PRKAG1: variants seen among roughly 807,000 people sequenced by gnomAD.
The protein encoded by PRKAG1 is 5'-AMP-activated protein kinase subunit gamma-1.
Under a neutral mutation model 48.2 loss-of-function variants are expected in PRKAG1, and 27 were observed. The observed-to-expected ratio is 0.56, with a 90% CI of 0.41 to 0.77. PRKAG1 has a LOEUF of 0.77. Ranked by LOEUF, PRKAG1 falls within the 30% of genes least tolerant of loss-of-function variation. PRKAG1 has a pLI of 0.00. For missense variants in PRKAG1, 287 were observed against 398.3 expected (o/e 0.72, Z 2.38); for synonymous variants, 130 against 147.7 (o/e 0.88, Z 0.87).
Position 49,004,126 on chromosome 12 carries a change from T to C in PRKAG1, c.538-204A>G, listed in dbSNP as rs896231759. ...GCAACATGGCAAAACCCTATCTCTATAAAAAATACCAAAAAATTAGCCAGG... is the reference window on the plus strand; with the variant it reads ...GCAACATGGCAAAACCCTATCTCTACAAAAAATACCAAAAAATTAGCCAGG... On this transcript the variant is annotated intron_variant, in intron 8 of 11. Coordinates refer to ENST00000548065, the MANE Select transcript of PRKAG1 (RefSeq NM_002733.5). 41 of 635,924 alleles carry C rather than the reference T, an allele frequency of 6.4e-5. 1 individual carries two copies. In the South Asian group the frequency reaches 7.3e-4, roughly 11 times the overall value. 39.4% of individuals were successfully genotyped at this position (635,924 alleles called of 1,614,324 possible).
At chr12:49,013,970 C>G (rs868683729) in intron 1 of PRKAG1, among the ~76,000 whole-genome samples, 2 of 152,064 alleles carry the variant, frequency 1.3e-5, no homozygotes, top group Admixed American at 6.5e-5. Context: ...CTGCAACTGC[C>G]TCCTCCTGGG....
intron 2 of PRKAG1, 188 bp downstream of exon 2, chr12:49,012,874 T>C (rs1941813839): frequency 1.7e-6 from 1 of 598,468 alleles, no homozygotes; most frequent in African/African-American, 1.9e-5. Context: ...ATATTAATCA[T>C]CCCCACTCTG....
At chr12:49,016,958 C>T (rs754187570) in intron 1 of PRKAG1, 10 of 344,208 alleles carry the variant, frequency 2.9e-5, no homozygotes, top group Non-Finnish European at 4.5e-5. Flanking sequence ...AACATCATGC[C>T]GCTGGCTCAC....
chr12:49,017,150 C>T (rs1942010086), intron 1 of PRKAG1: 1 of 456,006 alleles, frequency 2.2e-6, no homozygotes, highest in Non-Finnish European at 4.4e-6. Flanking sequence ...TGCTGGCTTG[C>T]CCTCACCATC....
At chr12:49,010,860 T>C (rs74829119) in intron 2 of PRKAG1, among the ~76,000 whole-genome samples, 5 of 151,972 alleles carry the variant, frequency 3.3e-5, no homozygotes, top group Non-Finnish European at 7.4e-5. Context: ...TTTTTTTTTT[T>C]TGAGACAGAG....
intron 2 of PRKAG1, among the ~76,000 whole-genome samples, chr12:49,011,781 G>A (rs530518290): frequency 5.3e-5 from 8 of 151,294 alleles, no homozygotes; most frequent in Non-Finnish European, 1.0e-4. Context: ...AGACTGGTCT[G>A]TAACTTGTGA....
Position 49,002,528 on chromosome 12 carries a change from TA to T in PRKAG1, c.*370del. On this transcript the variant is annotated 3_prime_UTR_variant, in exon 12 of 12. Transcript: ENST00000548065. ...TTTATGAAGAATTTTGTTGTGCTAT[TA>T]TCTTAGGGTTGAATCAGGGCCAAGA... is the stretch of plus-strand genomic sequence containing the variant. 2.8e-6 allele frequency: 1 copy of T among 360,726 alleles called. No homozygotes were observed. Among genetic ancestry groups the T allele is most frequent in the Non-Finnish European group, 5.4e-6 (1 of 186,552 alleles). 22.3% of individuals were successfully genotyped at this position (360,726 alleles called of 1,614,324 possible).
Position 49,003,124 on chromosome 12 carries a change from A to G in PRKAG1, c.888+20T>C. The G allele has an allele frequency of 6.2e-7, 1 of 1,614,028 alleles. No individual in the cohort carries two copies. Among genetic ancestry groups the G allele is most frequent in the Non-Finnish European group, 8.5e-7 (1 of 1,179,990 alleles). On this transcript the variant is annotated intron_variant, in intron 11 of 11. Coordinates refer to ENST00000548065, the MANE Select transcript of PRKAG1 (RefSeq NM_002733.5). ...CAAGGCTGCTCCCCTCAGCTCCTTT[A>G]GGGTTGCTGGCCTCCCTACCTCTGC...
chr12:49,004,813 C>CTGTGTG (rs3832821), intron 7 of PRKAG1, 151 bp downstream of exon 7: 27,653 of 709,344 alleles, frequency 0.039, 327 homozygotes, highest in East Asian at 0.14. Flanking sequence ...GAGAGAGAGA[C>CTGTGTG]TGTGTGTGTG....
chr12:49,005,896 C>G lies in PRKAG1; in HGVS notation c.59-44G>C. On this transcript the variant is annotated intron_variant, in intron 2 of 11. Coordinates refer to ENST00000548065, the MANE Select transcript of PRKAG1 (RefSeq NM_002733.5). The surrounding 1 kb of genome is among the most constrained non-coding windows in gnomAD (Gnocchi z 4.1). ...TTAGTAGCTTCCTTCCACATAAAAA[C>G]TCCCAATCAAAAGAGACAGAAAACA... The G allele has an allele frequency of 5.7e-6, 8 of 1,411,586 alleles. No individual in the cohort carries two copies. The highest frequency in any genetic ancestry group is 7.7e-6 in the Non-Finnish European group (8 of 1,034,554). The allele number at this position is 1,411,586 out of a possible 1,614,324, so 87.4% of individuals were successfully genotyped here. A position where few individuals can be genotyped will look rare whatever the true frequency, so the allele number is the denominator to read the frequency against.
At chr12:49,007,688 T>C (rs1941599039) in intron 2 of PRKAG1, among the ~76,000 whole-genome samples, 1 of 152,068 alleles carries the variant, frequency 6.6e-6, no homozygotes, top group East Asian at 1.9e-4. Flanking sequence ...CTTGTATTGC[T>C]AGTTTCCATT....
At chr12:49,018,679 G>T (rs114080667) in intron 1 of PRKAG1, 53 bp downstream of exon 1, 12 of 1,613,512 alleles carry the variant, frequency 7.4e-6, no homozygotes, top group Middle Eastern at 1.7e-4. Context: ...CTAAGGGTTG[G>T]GGGGGTGTCT....
chr12:49,010,514 C>A (rs1052701638), intron 2 of PRKAG1, among the ~76,000 whole-genome samples: 1 of 152,130 alleles, frequency 6.6e-6, no homozygotes, highest in Non-Finnish European at 1.5e-5. Flanking sequence ...GTACTTCAGC[C>A]CTAAGCTGTG....
intron 1 of PRKAG1, chr12:49,017,702 A>G (rs1156330727): frequency 6.5e-6 from 1 of 152,784 alleles, no homozygotes; most frequent in Non-Finnish European, 1.5e-5. Context: ...GATTATCCTG[A>G]TTAGTCAGAA....
intron 2 of PRKAG1, among the ~76,000 whole-genome samples, chr12:49,011,433 G>T (rs1191311993): frequency 6.6e-6 from 1 of 151,504 alleles, no homozygotes; most frequent in African/African-American, 2.4e-5. Flanking sequence ...GGCTGGTTTC[G>T]AACTCCTGAG....
rs1941327385 is a variant in PRKAG1 at position 49,002,437 on chromosome 12, GGAA to G, written c.*459_*461del. 4.2e-6 allele frequency: 1 copy of G among 238,824 alleles called. No homozygotes were observed. Among genetic ancestry groups the G allele is most frequent in the Non-Finnish European group, 8.4e-6 (1 of 118,956 alleles). The allele number at this position is 238,824 out of a possible 1,614,324, so 14.8% of individuals were successfully genotyped here. ...CACAATCCTCCCCACTCACATTATG[GGAA>G]GAAATGTCACTAAATGGACTTGGCC... On this transcript the variant is annotated 3_prime_UTR_variant, in exon 12 of 12. Transcript: ENST00000548065.
At chr12:49,015,524 TAG>T (rs999242721) in intron 1 of PRKAG1, among the ~76,000 whole-genome samples, 3 of 152,292 alleles carry the variant, frequency 2.0e-5, no homozygotes, top group African/African-American at 7.2e-5. Context: ...TAGAGCTAAC[TAG>T]AGATACAGAT....
intron 1 of PRKAG1, chr12:49,017,032 G>T (rs1002655180): frequency 4.0e-5 from 17 of 427,266 alleles, no homozygotes; most frequent in African/African-American, 3.5e-4. Flanking sequence ...AATTTGCAGT[G>T]CCCTCTCCTA....
intron 1 of PRKAG1, among the ~76,000 whole-genome samples, chr12:49,014,539 T>C (rs942726224): frequency 6.6e-6 from 1 of 152,248 alleles, no homozygotes; most frequent in African/African-American, 2.4e-5. Flanking sequence ...CAGACACTGG[T>C]TCCACCATTG....
Sources: allele counts gnomAD v4.1 joint callset (sites outside exome capture counted in the v4.1 genomes callset), GRCh38; gene constraint gnomAD v4.1.1; non-coding constraint Gnocchi (gnomAD v3.1); transcripts MANE v1.5; gene names NCBI Gene and HGNC (gene_info 2026-07-23, HGNC 2026-07-21).